Variants in C8orf88 observed in about 807,000 individuals in gnomAD.
The protein encoded by C8orf88 is uncharacterized protein C8orf88.
C8orf88 carries 14 observed loss-of-function variants against 18.4 expected under a neutral mutation model. The observed-to-expected ratio is 0.76, with a 90% CI of 0.50 to 1.19. The LOEUF is 1.19. Among genes scored for constraint, C8orf88 ranks in the 50% most tolerant of loss-of-function variants. The pLI is 0.00. For missense variants in C8orf88, 116 were observed against 134.7 expected (o/e 0.86, Z 0.69); for synonymous variants, 45 against 42.9 (o/e 1.05, Z -0.19).
At chr8:90,980,857 T>G (rs996833678) in intron 1 of C8orf88, among the ~76,000 whole-genome samples, 1 of 152,098 alleles carries the variant, frequency 6.6e-6, no homozygotes. Flanking sequence ...CATGCCCAGC[T>G]AATATATTTT....
chr8:90,963,466 GA>G (rs568052765), intron 4 of C8orf88, among the ~76,000 whole-genome samples: 23 of 151,498 alleles, frequency 1.5e-4, no homozygotes, highest in Non-Finnish European at 3.3e-4. Flanking sequence ...TCATTCACTG[GA>G]AAAAAAGAAA....
intron 1 of C8orf88, among the ~76,000 whole-genome samples, chr8:90,981,056 A>G (rs1429940242): frequency 2.0e-5 from 3 of 152,184 alleles, no homozygotes; most frequent in Admixed American, 6.5e-5. Context: ...TACATGATAA[A>G]TATGCCCTAA....
chr8:90,966,042 A>G (rs1043999912), intron 4 of C8orf88, among the ~76,000 whole-genome samples: 1 of 151,834 alleles, frequency 6.6e-6, no homozygotes, highest in African/African-American at 2.4e-5. Context: ...AAGAGAAATG[A>G]AATAGAGACT....
intron 4 of C8orf88, among the ~76,000 whole-genome samples, chr8:90,968,965 GATA>G (rs138276252): frequency 6.6e-6 from 1 of 151,434 alleles, no homozygotes; most frequent in East Asian, 1.9e-4. Context: ...AATAAACAGA[GATA>G]ATAATAGCAA....
chr8:90,967,297 A>C (rs1418588604), intron 4 of C8orf88, among the ~76,000 whole-genome samples: 2 of 151,800 alleles, frequency 1.3e-5, no homozygotes, highest in African/African-American at 4.8e-5. Context: ...TCTTTTTACT[A>C]TGTTGATAAT....
intron 4 of C8orf88, among the ~76,000 whole-genome samples, chr8:90,969,284 C>T (rs959179596): frequency 1.3e-5 from 2 of 151,690 alleles, no homozygotes; most frequent in Non-Finnish European, 2.9e-5. Context: ...ATTATTTAGT[C>T]ATAAAAAGGA....
intron 4 of C8orf88, among the ~76,000 whole-genome samples, chr8:90,969,803 C>T (rs1342349132): frequency 6.6e-6 from 1 of 151,572 alleles, no homozygotes; most frequent in African/African-American, 2.4e-5. Flanking sequence ...AATTCCACTT[C>T]AATTTTTTAA....
At chr8:90,982,332 T>G (rs1432639617) in intron 1 of C8orf88, among the ~76,000 whole-genome samples, 1 of 152,160 alleles carries the variant, frequency 6.6e-6, no homozygotes, top group Non-Finnish European at 1.5e-5. Flanking sequence ...AGCAACCTAA[T>G]ATACATTGCT....
intron 1 of C8orf88, among the ~76,000 whole-genome samples, chr8:90,981,764 C>G (rs944044153): frequency 6.6e-6 from 1 of 152,062 alleles, no homozygotes; most frequent in Admixed American, 6.6e-5. Flanking sequence ...CTAAGTACCT[C>G]GTCATTGCAA....
chr8:90,970,430 C>G (rs1231208587), intron 4 of C8orf88, among the ~76,000 whole-genome samples: 2 of 151,962 alleles, frequency 1.3e-5, no homozygotes, highest in Non-Finnish European at 1.5e-5. Context: ...AATTTGGAAA[C>G]TAAAATCATT....
At chr8:90,975,397 A>G (rs190176191) in intron 3 of C8orf88, among the ~76,000 whole-genome samples, 174 of 152,228 alleles carry the variant, frequency 1.1e-3, no homozygotes, top group African/African-American at 3.9e-3. Context: ...TTTTTCAATG[A>G]ACTTTTGCAG....
chr8:90,969,824 A>G (rs567681710), intron 4 of C8orf88, among the ~76,000 whole-genome samples: 79 of 152,002 alleles, frequency 5.2e-4, no homozygotes, highest in African/African-American at 1.8e-3. Context: ...AAAAGAAACC[A>G]AAGGATTATA....
chr8:90,969,421 C>A (rs1372446496), intron 4 of C8orf88, among the ~76,000 whole-genome samples: 3 of 151,622 alleles, frequency 2.0e-5, no homozygotes, highest in African/African-American at 7.3e-5. Flanking sequence ...TCTCAATTAC[C>A]CTTATTTGAT....
chr8:90,970,174 G>T (rs766036758), intron 4 of C8orf88, among the ~76,000 whole-genome samples: 16 of 151,984 alleles, frequency 1.1e-4, no homozygotes, highest in Non-Finnish European at 2.2e-4. Flanking sequence ...TAAAGAGTGA[G>T]TAACACTTTA....
chr8:90,972,799 T>C (rs1360788203), intron 3 of C8orf88, among the ~76,000 whole-genome samples: 1 of 152,146 alleles, frequency 6.6e-6, no homozygotes, highest in Non-Finnish European at 1.5e-5. Context: ...CTATGTAAAT[T>C]TGTGAAGGGT....
chr8:90,966,547 C>T (rs1236982238), intron 4 of C8orf88, among the ~76,000 whole-genome samples: 1 of 147,122 alleles, frequency 6.8e-6, no homozygotes, highest in South Asian at 2.1e-4. Context: ...CAAGTCTCTG[C>T]TGTCTTTAGG....
At chr8:90,972,428 A>C (rs1563554041) in intron 3 of C8orf88, among the ~76,000 whole-genome samples, 1 of 151,184 alleles carries the variant, frequency 6.6e-6, no homozygotes, top group African/African-American at 2.4e-5. Flanking sequence ...AAAAAAAAAA[A>C]CAATTTCTTG....
intron 3 of C8orf88, among the ~76,000 whole-genome samples, chr8:90,974,604 T>G (rs986268710): frequency 6.6e-6 from 1 of 152,172 alleles, no homozygotes; most frequent in Non-Finnish European, 1.5e-5. Context: ...AGCCAAAATT[T>G]TCAAATACTT....
At chr8:90,969,457 A>G (rs946703872) in intron 4 of C8orf88, among the ~76,000 whole-genome samples, 1 of 151,908 alleles carries the variant, frequency 6.6e-6, no homozygotes, top group Non-Finnish European at 1.5e-5. Flanking sequence ...ATAGTTATGA[A>G]AATATCACGT....
Sources: allele counts gnomAD v4.1 joint callset (sites outside exome capture counted in the v4.1 genomes callset), GRCh38; gene constraint gnomAD v4.1.1; transcripts MANE v1.5; gene names NCBI Gene and HGNC (gene_info 2026-07-23, HGNC 2026-07-21).